Variants in PCSK5 observed in about 807,000 individuals in gnomAD.
The protein encoded by PCSK5 is prohormone convertase 5.
In PCSK5, 129 loss-of-function variants were observed where a neutral mutation model predicts 233.2. The observed-to-expected ratio is 0.55, with a 90% CI of 0.48 to 0.64. The LOEUF (loss-of-function observed/expected upper bound fraction) is 0.64, where lower values mean the gene tolerates loss of function less well. Ranked by LOEUF, PCSK5 falls within the 30% of genes least tolerant of loss-of-function variation. PCSK5 has a pLI of 0.00. For missense variants in PCSK5, 2,076 were observed against 2,430.1 expected, an observed-to-expected ratio of 0.85 and a Z score of 3.06; for synonymous variants, 825 against 879.2, an observed-to-expected ratio of 0.94 and a Z score of 1.09.
At chr9:76,074,907 T>C (rs1830591699) in intron 7 of PCSK5, among the ~76,000 whole-genome samples, 1 of 152,114 alleles carries the variant, frequency 6.6e-6, no homozygotes. Context: ...GTAAGTTACC[T>C]GTTGGGGTAG....
At chr9:76,341,252 TTTC>T (rs1829828083) in intron 35 of PCSK5, among the ~76,000 whole-genome samples, 1 of 151,948 alleles carries the variant, frequency 6.6e-6, no homozygotes, top group East Asian at 1.9e-4. Flanking sequence ...TTTCAAATTG[TTTC>T]TTCTTCTCAT....
intron 34 of PCSK5, among the ~76,000 whole-genome samples, chr9:76,334,441 A>C (rs746897917): frequency 6.6e-6 from 1 of 152,206 alleles, no homozygotes; most frequent in South Asian, 2.1e-4. Flanking sequence ...CTCTTGAAAA[A>C]CACCAGCCAG....
chr9:76,263,465 C>T (rs1435188133), intron 24 of PCSK5, among the ~76,000 whole-genome samples: 9 of 152,098 alleles, frequency 5.9e-5, no homozygotes, highest in African/African-American at 1.7e-4. Flanking sequence ...ATGACGAGTT[C>T]GTGTCCTTTG....
intron 36 of PCSK5, among the ~76,000 whole-genome samples, chr9:76,353,792 G>A (rs753077461): frequency 2.8e-4 from 42 of 152,178 alleles, no homozygotes; most frequent in Non-Finnish European, 4.0e-4. Flanking sequence ...TGTTCTAGAC[G>A]TCTGCTCTCC....
chr9:76,143,810 T>C (rs1823326233), intron 10 of PCSK5, among the ~76,000 whole-genome samples: 1 of 151,930 alleles, frequency 6.6e-6, no homozygotes, highest in African/African-American at 2.4e-5. Context: ...GGTGAGAAGA[T>C]TGCTTCTTGA....
At chr9:76,337,382 C>A (rs868718834) in intron 34 of PCSK5, among the ~76,000 whole-genome samples, 1 of 151,892 alleles carries the variant, frequency 6.6e-6, no homozygotes, top group Non-Finnish European at 1.5e-5. Flanking sequence ...GTTGATTGAC[C>A]AGGCTGGTCT....
chr9:75,937,011 T>G (rs546394623), intron 2 of PCSK5, among the ~76,000 whole-genome samples: 2 of 152,250 alleles, frequency 1.3e-5, no homozygotes, highest in East Asian at 3.9e-4. Flanking sequence ...CTTGGGTGAC[T>G]AGGTACATTG....
intron 30 of PCSK5, among the ~76,000 whole-genome samples, chr9:76,315,012 G>A (rs539814134): frequency 1.3e-5 from 2 of 151,374 alleles, no homozygotes; most frequent in Non-Finnish European, 2.9e-5. Context: ...CCAGGCAATG[G>A]CGCCATCTCA....
At chr9:76,135,619 G>A (rs763750305) in intron 10 of PCSK5, among the ~76,000 whole-genome samples, 6 of 151,930 alleles carry the variant, frequency 3.9e-5, no homozygotes, top group African/African-American at 9.7e-5. Context: ...TTGAAATTTC[G>A]GTTGTTCCGG....
intron 1 of PCSK5, among the ~76,000 whole-genome samples, chr9:75,928,599 A>ATATG (rs1823615611): frequency 1.9e-5 from 1 of 51,490 alleles, no homozygotes; most frequent in Non-Finnish European, 4.0e-5. Context: ...ATAAATACAT[A>ATATG]TATATATATA....
At chr9:75,922,868 G>A (rs1346252352) in intron 1 of PCSK5, among the ~76,000 whole-genome samples, 1 of 152,174 alleles carries the variant, frequency 6.6e-6, no homozygotes, top group African/African-American at 2.4e-5. Context: ...CTTGGTGAAA[G>A]TGTTGCATCT....
At chr9:76,318,127 C>G (rs1418204926) in intron 30 of PCSK5, among the ~76,000 whole-genome samples, 1 of 152,170 alleles carries the variant, frequency 6.6e-6, no homozygotes, top group Non-Finnish European at 1.5e-5. Flanking sequence ...TTCAGCTTTT[C>G]CCACCAAAGA....
At chr9:76,017,151 G>A (rs755434665) in intron 3 of PCSK5, among the ~76,000 whole-genome samples, 1 of 152,108 alleles carries the variant, frequency 6.6e-6, no homozygotes, top group Non-Finnish European at 1.5e-5. Flanking sequence ...CCAAAAGGAC[G>A]TTGCATGCTG....
At chr9:76,178,654 T>C (rs1167831803) in intron 14 of PCSK5, among the ~76,000 whole-genome samples, 1 of 152,240 alleles carries the variant, frequency 6.6e-6, no homozygotes, top group Non-Finnish European at 1.5e-5. Context: ...TTACAATAAG[T>C]AGATTTTCTA....
Position 76,330,362 on chromosome 9 carries a change from A to G in PCSK5, c.4571-2071A>G, listed in dbSNP as rs141882262. Among the ~76,000 whole-genome samples the G allele has an allele frequency of 6.7e-3, 1,015 of 152,324 alleles. 9 individuals are homozygous for G. Among genetic ancestry groups the G allele is most frequent in the Admixed American group, 0.019 (298 of 15,296 alleles). On this transcript the variant is annotated intron_variant, in intron 33 of 37. Coordinates refer to ENST00000674117, the MANE Select transcript of PCSK5 (RefSeq NM_001372043.1). Reference sequence around the variant, plus strand: ...CTAAAAAAGAAGTCATAGGAGACAGAAGAGAGAGATGAATATGGTGAAGAC... The same window carrying G: ...CTAAAAAAGAAGTCATAGGAGACAGGAGAGAGAGATGAATATGGTGAAGAC...
chr9:76,219,594 A>G (rs1825656413), intron 20 of PCSK5, among the ~76,000 whole-genome samples: 1 of 152,130 alleles, frequency 6.6e-6, no homozygotes, highest in African/African-American at 2.4e-5. Flanking sequence ...ACGCTCCTGA[A>G]AATTTCACCT....
chr9:75,996,410 C>T (rs1387981515), intron 3 of PCSK5, among the ~76,000 whole-genome samples: 1 of 152,088 alleles, frequency 6.6e-6, no homozygotes, highest in Non-Finnish European at 1.5e-5. Context: ...AATTTTCATC[C>T]TTTTGCCTAA....
At chr9:76,004,667 A>G (rs1226272566) in intron 3 of PCSK5, among the ~76,000 whole-genome samples, 1 of 152,170 alleles carries the variant, frequency 6.6e-6, no homozygotes. Flanking sequence ...CATGGATTCT[A>G]TTCAAGAGTG....
intron 28 of PCSK5, among the ~76,000 whole-genome samples, chr9:76,304,528 T>C (rs1828716720): frequency 6.6e-6 from 1 of 152,186 alleles, no homozygotes; most frequent in African/African-American, 2.4e-5. Context: ...TACAATTTAC[T>C]GCGCCCCTAT....
Sources: allele counts gnomAD v4.1 joint callset (sites outside exome capture counted in the v4.1 genomes callset), GRCh38; gene constraint gnomAD v4.1.1; transcripts MANE v1.5; gene names NCBI Gene and HGNC (gene_info 2026-07-23, HGNC 2026-07-21).